FGF10: variants seen among roughly 807,000 people sequenced by gnomAD.
FGF10 encodes FGF-10.
A neutral mutation model predicts 19.8 loss-of-function variants in FGF10; 2 were observed. The ratio of observed to expected loss-of-function variants is 0.10; its 90% CI spans 0.04 to 0.32. The LOEUF (loss-of-function observed/expected upper bound fraction) is 0.32. Ranked by LOEUF, FGF10 falls within the 10% of genes least tolerant of loss-of-function variation. The probability of loss-of-function intolerance (pLI) is 1.00; values close to 1 mark genes in which losing one functional copy is unlikely to be tolerated. For missense variants in FGF10, 191 were observed against 246.3 expected (o/e 0.78, Z 1.50); for synonymous variants, 112 against 94.0 (o/e 1.19, Z -1.10).
chr5:44,372,707 T>A (rs1363648222), intron 1 of FGF10, among the ~76,000 whole-genome samples: 1 of 152,200 alleles, frequency 6.6e-6, no homozygotes, highest in Non-Finnish European at 1.5e-5. Context: ...AAAAAAGTTA[T>A]CAGTTCCTAA....
chr5:44,310,673 C>T (rs1210168983), intron 1 of FGF10, 143 bp from the exon 2 acceptor site: 6 of 651,720 alleles, frequency 9.2e-6, no homozygotes, highest in Non-Finnish European at 1.6e-5. Context: ...AACAAGCAAA[C>T]AAGCAAATCT....
chr5:44,322,657 C>G (rs1740524458), intron 1 of FGF10, among the ~76,000 whole-genome samples: 3 of 152,034 alleles, frequency 2.0e-5, no homozygotes, highest in Non-Finnish European at 4.4e-5. Flanking sequence ...GGCAGAATAT[C>G]TTGTAATTGC....
At chr5:44,376,509 A>C (rs978747949) in intron 1 of FGF10, among the ~76,000 whole-genome samples, 1,880 of 141,842 alleles carry the variant, frequency 0.013, 65 homozygotes, top group African/African-American at 0.047. Context: ...AAAAAAAAAA[A>C]AAAAAAAACA....
chr5:44,366,793 A>C (rs547769512), intron 1 of FGF10, among the ~76,000 whole-genome samples: 1 of 152,178 alleles, frequency 6.6e-6, no homozygotes, highest in Admixed American at 6.6e-5. Context: ...GATAATTTTT[A>C]ATTTATACTT....
chr5:44,300,284 T>C lies in FGF10; in HGVS notation c.*4711A>G, dbSNP rs965837398. 2.6e-5 allele frequency among the ~76,000 whole-genome samples: 4 copies of C among 152,074 alleles called. No individual in the cohort carries two copies. The highest frequency in any genetic ancestry group is 7.2e-5 in the African/African-American group (3 of 41,424). On this transcript the variant is annotated 3_prime_UTR_variant, in exon 3 of 3. Coordinates refer to ENST00000264664, the MANE Select transcript of FGF10 (RefSeq NM_004465.2). ...TTTTTTTTATTTTACACTTAAACAA[T>C]GAATGACATCAGGGTTTCAGATTTT...
rs1202296832 is a variant in FGF10, at chr5:44,301,752, G to GT, written c.*3242_*3243insA. ...TTTTTTTTTCTGTTGTTGTTGTTTG[G>GT]GGCTGTGGGGCATTTAACCACATCC... On this transcript the variant is annotated 3_prime_UTR_variant, in exon 3 of 3. Transcript: ENST00000264664. Among the ~76,000 whole-genome samples the GT allele has an allele frequency of 6.6e-6, 1 of 151,968 alleles. No individual in the cohort carries two copies. Among genetic ancestry groups the GT allele is most frequent in the Admixed American group, 6.6e-5 (1 of 15,248 alleles).
chr5:44,301,567 T>C lies in FGF10; in HGVS notation c.*3428A>G, dbSNP rs540649693. Reference sequence around the variant, plus strand: ...CCTCCAAAAGTCTTCCATTGTTTCATAAGCCATCCTCGTTTCCAATTCATT... The same window carrying C: ...CCTCCAAAAGTCTTCCATTGTTTCACAAGCCATCCTCGTTTCCAATTCATT... On this transcript the variant is annotated 3_prime_UTR_variant, in exon 3 of 3. Transcript: ENST00000264664. Among the ~76,000 whole-genome samples, 2 of 152,340 alleles carry C rather than the reference T, an allele frequency of 1.3e-5. No individual in the cohort carries two copies. The highest frequency in any genetic ancestry group is 2.9e-5 in the Non-Finnish European group (2 of 68,016).
Position 44,310,490 on chromosome 5 carries a change from G to A in FGF10, c.366C>T (p.Ala122=), listed in dbSNP as rs200392834. 240 of 1,612,388 alleles carry A rather than the reference G, an allele frequency of 1.5e-4. 2 individuals carry two copies. In the South Asian group the frequency reaches 1.5e-3, roughly 10 times the overall value. ...AATAGTTGCTGTTAATGGCTTTGAC[G>A]GCAACAACTCCGATTTCTACTGATG... ...EITSVEIGVV[A]VKAINSNYYL... The change falls in exon 2 of 3, where the codon GCC becomes GCT. Residue 122 remains alanine (A), a synonymous_variant. Coordinates refer to ENST00000264664, the MANE Select transcript of FGF10 (RefSeq NM_004465.2).
chr5:44,344,041 A>G (rs1178230082), intron 1 of FGF10, among the ~76,000 whole-genome samples: 1 of 151,972 alleles, frequency 6.6e-6, no homozygotes, highest in Non-Finnish European at 1.5e-5. Flanking sequence ...AGATCAAAGC[A>G]CAACTCTGAT....
chr5:44,324,307 T>C (rs1302634929), intron 1 of FGF10, among the ~76,000 whole-genome samples: 4 of 152,130 alleles, frequency 2.6e-5, no homozygotes. Context: ...TATTAAAATA[T>C]ATATCCAAGC....
At chr5:44,380,329 A>G (rs1035546065) in intron 1 of FGF10, among the ~76,000 whole-genome samples, 1 of 152,364 alleles carries the variant, frequency 6.6e-6, no homozygotes. Context: ...CAGATTCTGC[A>G]TATGATAGAC....
At chr5:44,328,196 T>G (rs1320315887) in intron 1 of FGF10, among the ~76,000 whole-genome samples, 1 of 152,218 alleles carries the variant, frequency 6.6e-6, no homozygotes, top group Non-Finnish European at 1.5e-5. Flanking sequence ...TCAGTTGCCC[T>G]TGCTGGCTAA....
intron 1 of FGF10, among the ~76,000 whole-genome samples, chr5:44,341,781 G>A (rs1037181): frequency 0.94 from 142,760 of 151,994 alleles, 67,455 homozygotes; most frequent in Non-Finnish European, 1. Context: ...GGTTCATCAT[G>A]GAATTTAAAA....
At chr5:44,379,217 T>C (rs1741935904) in intron 1 of FGF10, among the ~76,000 whole-genome samples, 1 of 152,254 alleles carries the variant, frequency 6.6e-6, no homozygotes, top group African/African-American at 2.4e-5. Context: ...ATATCACCTC[T>C]TGGTTAACGT....
chr5:44,370,348 A>G (rs1579938699), intron 1 of FGF10, among the ~76,000 whole-genome samples: 1 of 152,098 alleles, frequency 6.6e-6, no homozygotes, highest in African/African-American at 2.4e-5. Flanking sequence ...GAATGAACAT[A>G]TGCATTTATT....
intron 1 of FGF10, among the ~76,000 whole-genome samples, chr5:44,325,717 C>T (rs1040202989): frequency 9.8e-5 from 14 of 142,654 alleles, no homozygotes; most frequent in Non-Finnish European, 7.5e-5. Context: ...GGGAACATCA[C>T]ACACCAGGGC....
intron 1 of FGF10, among the ~76,000 whole-genome samples, chr5:44,311,983 A>G (rs1740221258): frequency 6.6e-6 from 1 of 152,084 alleles, no homozygotes; most frequent in African/African-American, 2.4e-5. Context: ...AAGTTGACAT[A>G]ACCAGAGACT....
At chr5:44,380,028 T>C (rs1741952141) in intron 1 of FGF10, among the ~76,000 whole-genome samples, 2 of 152,344 alleles carry the variant, frequency 1.3e-5, no homozygotes, top group South Asian at 4.1e-4. Context: ...ACTAGCACTT[T>C]TCTTTAATAC....
intron 1 of FGF10, among the ~76,000 whole-genome samples, chr5:44,315,986 C>T (rs898447826): frequency 4.5e-4 from 69 of 152,220 alleles, no homozygotes; most frequent in African/African-American, 1.6e-3. Context: ...GGCCACACAG[C>T]GGGAGGCAAG....
Sources: gnomAD v4.1 joint callset for allele counts (sites outside exome capture counted in the v4.1 genomes callset) on GRCh38, gnomAD v4.1.1 for gene constraint, MANE v1.5 for transcripts, NCBI Gene and HGNC (gene_info 2026-07-23, HGNC 2026-07-21) for gene names.